Variants in PHF21B observed in about 807,000 individuals in gnomAD.
The protein encoded by PHF21B is PHD finger protein 4.
Under a neutral mutation model 62.2 loss-of-function variants are expected in PHF21B, and 22 were observed. That is an observed-to-expected ratio of 0.35 (90% CI 0.25 to 0.51). PHF21B has a LOEUF of 0.51. Ranked by LOEUF, PHF21B falls within the 20% of genes least tolerant of loss-of-function variation. PHF21B has a pLI of 0.97. For missense variants in PHF21B, 701 were observed against 707.9 expected (o/e 0.99, Z 0.11); for synonymous variants, 341 against 314.7 (o/e 1.08, Z -0.88).
Position 45,009,312 on chromosome 22 carries a change from G to A in PHF21B, c.54+184C>T, listed in dbSNP as rs2073383070. Reference sequence around the variant, plus strand: ...GCAAACTGTGCAGGACAGCGCCAGGGGCAGGCGGAGGGGAGCCCAGAAGGG... The same window carrying A: ...GCAAACTGTGCAGGACAGCGCCAGGAGCAGGCGGAGGGGAGCCCAGAAGGG... On this transcript the variant is annotated intron_variant, in intron 1 of 12. Transcript: ENST00000313237. The surrounding 1 kb of genome is among the most constrained non-coding windows in gnomAD (Gnocchi z 5.9). 1.6e-6 allele frequency: 1 copy of A among 637,086 alleles called. No homozygotes were observed. The highest frequency in any genetic ancestry group is 3.3e-5 in the Admixed American group (1 of 30,184). 39.5% of individuals were successfully genotyped at this position (637,086 alleles called of 1,614,324 possible). A position where few individuals can be genotyped will look rare whatever the true frequency, so the allele number is the denominator to read the frequency against.
rs1038559927 is a variant in PHF21B, at chr22:44,897,243, T to C, written c.832-1160A>G. On this transcript the variant is annotated intron_variant, in intron 5 of 12. Transcript: ENST00000313237. ...ACAGAGCTCACTAGGGCATTTTTTT[T>C]TCATTTGACATTCTTTGGTGGTGGA... 3.3e-5 allele frequency among the ~76,000 whole-genome samples: 5 copies of C among 152,120 alleles called. No homozygotes were observed. In the South Asian group the frequency reaches 6.2e-4, roughly 19 times the overall value.
intron 5 of PHF21B, among the ~76,000 whole-genome samples, chr22:44,904,031 C>G (rs112864863): frequency 1.3e-5 from 2 of 151,524 alleles, no homozygotes; most frequent in African/African-American, 2.5e-5. Flanking sequence ...AAAAAAAGCT[C>G]CACATTCACT....
chr22:44,897,173 T>C (rs950169217), intron 5 of PHF21B, among the ~76,000 whole-genome samples: 1 of 152,102 alleles, frequency 6.6e-6, no homozygotes. Flanking sequence ...TGCCCAGCCA[T>C]TACCTGTTTT....
At chr22:44,943,745 G>A (rs1413365930) in intron 2 of PHF21B, among the ~76,000 whole-genome samples, 1 of 152,128 alleles carries the variant, frequency 6.6e-6, no homozygotes, top group African/African-American at 2.4e-5. Context: ...CTCACCCTCA[G>A]CTCTCACCTT....
intron 5 of PHF21B, among the ~76,000 whole-genome samples, chr22:44,899,250 T>C (rs1297195123): frequency 2.0e-5 from 3 of 151,752 alleles, no homozygotes; most frequent in Non-Finnish European, 4.4e-5. Flanking sequence ...TAAGTTTTCC[T>C]ACTTAAATCT....
At chr22:44,899,379 C>G (rs1337438147) in intron 5 of PHF21B, among the ~76,000 whole-genome samples, 1 of 150,090 alleles carries the variant, frequency 6.7e-6, no homozygotes, top group East Asian at 2.0e-4. Flanking sequence ...CAATCTCCGC[C>G]TCCTGGTTTC....
intron 2 of PHF21B, among the ~76,000 whole-genome samples, chr22:44,967,865 A>C (rs1264740785): frequency 6.6e-6 from 1 of 152,204 alleles, no homozygotes. Flanking sequence ...TGACCTGGAC[A>C]GTCTGAGGAC....
rs1555933174 is a variant in PHF21B, at chr22:44,896,883, T to TTTTTTTTTTTTTG, written c.832-801_832-800insCAAAAAAAAAAAA. On this transcript the variant is annotated intron_variant, in intron 5 of 12. Transcript: ENST00000313237. ...AGGGTGGCACTTAGTTTTATCTGTT[T>TTTTTTTTTTTTTG]TTTTTTTTTTTTTGAGACAGGTTCT... Among the ~76,000 whole-genome samples, 690 of 132,312 alleles carry TTTTTTTTTTTTTG rather than the reference T, an allele frequency of 5.2e-3. 31 individuals are homozygous for TTTTTTTTTTTTTG. Among genetic ancestry groups the TTTTTTTTTTTTTG allele is most frequent in the Non-Finnish European group, 8.6e-3 (541 of 63,242 alleles). The allele number at this position is 132,312 out of a possible 152,430, so 86.8% of individuals were successfully genotyped here. A position where few individuals can be genotyped will look rare whatever the true frequency, so the allele number is the denominator to read the frequency against.
intron 10 of PHF21B, among the ~76,000 whole-genome samples, chr22:44,887,281 C>T (rs1297440317): frequency 1.3e-5 from 2 of 152,144 alleles, no homozygotes; most frequent in African/African-American, 4.8e-5. Flanking sequence ...CACTCAGGGG[C>T]CACACTCCCA....
chr22:44,932,633 T>G (rs1376295768), intron 2 of PHF21B, among the ~76,000 whole-genome samples: 1 of 152,248 alleles, frequency 6.6e-6, no homozygotes, highest in Non-Finnish European at 1.5e-5. Context: ...TCCGACGGCC[T>G]GGGATCTAAC....
At chr22:44,987,883 A>G (rs1292496691) in intron 2 of PHF21B, among the ~76,000 whole-genome samples, 1 of 152,082 alleles carries the variant, frequency 6.6e-6, no homozygotes, top group African/African-American at 2.4e-5. Flanking sequence ...GCAGGTGGGT[A>G]GATGGGATGG....
intron 2 of PHF21B, among the ~76,000 whole-genome samples, chr22:44,924,079 A>AG (rs144175838): frequency 0.45 from 45,809 of 100,896 alleles, 9,161 homozygotes; most frequent in East Asian, 0.57. Flanking sequence ...AGGGGAGGGA[A>AG]GAGGGGAGGA....
At chr22:44,883,426 G>A in intron 12 of PHF21B, 122 bp from the exon 13 acceptor site, 1 of 902,064 alleles carries the variant, frequency 1.1e-6, no homozygotes. Flanking sequence ...CAGGCTGAGG[G>A]CTTCACAAAA....
At chr22:44,997,447 A>C (rs1053388267) in intron 2 of PHF21B, among the ~76,000 whole-genome samples, 19 of 152,150 alleles carry the variant, frequency 1.2e-4, no homozygotes, top group Admixed American at 6.6e-5. Context: ...AATGTGGACA[A>C]ACAGAGTTTT....
intron 2 of PHF21B, among the ~76,000 whole-genome samples, chr22:45,006,184 T>C (rs893149438): frequency 6.6e-6 from 1 of 152,104 alleles, no homozygotes; most frequent in African/African-American, 2.4e-5. Context: ...CTCCCTCTTT[T>C]ATGAGCCCTT....
chr22:44,922,664 T>C lies in PHF21B; in HGVS notation c.121-2174A>G, dbSNP rs564609509. On this transcript the variant is annotated intron_variant, in intron 2 of 12. Transcript: ENST00000313237. ...AAAGAAAAAAAAAATCAGTTGTGTT[T>C]CTATACACTAGGCACCAACATTTAG... 1.4e-4 allele frequency among the ~76,000 whole-genome samples: 22 copies of C among 152,310 alleles called. No individual in the cohort carries two copies. In the South Asian group the frequency reaches 4.1e-3, roughly 29 times the overall value.
intron 2 of PHF21B, among the ~76,000 whole-genome samples, chr22:44,962,002 C>T (rs1477568988): frequency 1.3e-5 from 2 of 151,740 alleles, no homozygotes; most frequent in African/African-American, 4.8e-5. Context: ...TTTCTTTATT[C>T]AATCCACTAC....
At chr22:44,905,870 C>T (rs910786121) in intron 5 of PHF21B, among the ~76,000 whole-genome samples, 5 of 152,130 alleles carry the variant, frequency 3.3e-5, no homozygotes, top group East Asian at 1.9e-4. Context: ...CCTCGTGATC[C>T]GCCCACCTCG....
chr22:44,986,521 CAAAAAAAAAAAAAAA>C (rs3063310), intron 2 of PHF21B, among the ~76,000 whole-genome samples: 10 of 85,882 alleles, frequency 1.2e-4, no homozygotes, highest in East Asian at 3.3e-4. Context: ...GATCTTATTT[CAAAAAAAAAAAAAAA>C]AAAAAAAAAG....
Sources: allele counts gnomAD v4.1 joint callset (sites outside exome capture counted in the v4.1 genomes callset), GRCh38; gene constraint gnomAD v4.1.1; non-coding constraint Gnocchi (gnomAD v3.1); transcripts MANE v1.5; gene names NCBI Gene and HGNC (gene_info 2026-07-23, HGNC 2026-07-21).